LGI4: variants seen among roughly 807,000 people sequenced by gnomAD.
LGI4 encodes leucine rich repeat LGI family member 4.
Under a neutral mutation model 48.3 loss-of-function variants are expected in LGI4, and 36 were observed. That is an observed-to-expected ratio of 0.75 (90% CI 0.57 to 0.98). The LOEUF (loss-of-function observed/expected upper bound fraction) is 0.98, where lower values mean the gene tolerates loss of function less well. Ranked by LOEUF, LGI4 falls within the 50% of genes least tolerant of loss-of-function variation. The pLI, the probability that LGI4 is intolerant of heterozygous loss-of-function variation, is 0.00. For missense variants in LGI4, 701 were observed against 732.1 expected, an observed-to-expected ratio of 0.96 and a Z score of 0.49; for synonymous variants, 355 against 331.6, an observed-to-expected ratio of 1.07 and a Z score of -0.77.
chr19:35,133,948 C>T, intron 2 of LGI4, 85 bp downstream of exon 2: 1 of 1,410,322 alleles, frequency 7.1e-7, no homozygotes, highest in Non-Finnish European at 9.8e-7. Flanking sequence ...GCCCACCTGA[C>T]ATCTGTGTGA....
In LGI4 at chr19:35,125,462, G is replaced by A. The variant is rs1302618114; in HGVS notation, c.1345C>T (p.Pro449Ser). Residue 449 changes from proline (P) to serine (S), a missense_variant, in exon 9 of 9, where the codon CCC (proline) becomes TCC (serine). By Grantham distance (74) the Pro-to-Ser change is moderately conservative. This residue lies in a region of LGI4 where 223 missense variants were observed against 263.3 expected (regional missense o/e 0.85). Coordinates refer to ENST00000310123, the MANE Select transcript of LGI4 (RefSeq NM_139284.3). The stretch of plus-strand genomic sequence containing the variant: ...TGGAAGACGTGGGCACCGCGCGAGG[G>A]AAGTTGCTGCAGCAGACGAAACATG... ...GSMFRLLQQL[P>S]SRGAHVFQPL... is the part of the protein sequence containing the mutation. 1.9e-6 allele frequency: 3 copies of A among 1,593,494 alleles called. No individual in the cohort carries two copies. Among genetic ancestry groups the A allele is most frequent in the Admixed American group, 1.7e-5 (1 of 57,334 alleles).
intron 6 of LGI4, among the ~76,000 whole-genome samples, chr19:35,127,978 G>A (rs530434665): frequency 6.6e-6 from 1 of 152,340 alleles, no homozygotes; most frequent in Non-Finnish European, 1.5e-5. Context: ...AGATGTGGCT[G>A]TTTTGAGACT....
intron 6 of LGI4, chr19:35,131,181 C>T (rs1380858567): frequency 1.5e-6 from 1 of 685,628 alleles, no homozygotes; most frequent in African/African-American, 1.8e-5. Context: ...GAAGATGTAT[C>T]ATTGAATTCC....
chr19:35,125,179 T>G lies in LGI4; in HGVS notation c.*14A>C. On this transcript the variant is annotated 3_prime_UTR_variant, in exon 9 of 9. Coordinates refer to ENST00000310123, the MANE Select transcript of LGI4 (RefSeq NM_139284.3). The stretch of plus-strand genomic sequence containing the variant: ...CCAGGGGCCCCAGCCATGCCCAGAG[T>G]CCCGTTGGTGGTCTCAGGCACTGAG... 1 of 1,508,344 alleles carries G rather than the reference T, an allele frequency of 6.6e-7. No homozygotes were observed. The highest frequency in any genetic ancestry group is 8.9e-7 in the Non-Finnish European group (1 of 1,126,268). The allele number at this position is 1,508,344 out of a possible 1,614,324, so 93.4% of individuals were successfully genotyped here.
chr19:35,126,887 G>C lies in LGI4; in HGVS notation c.759C>G (p.Ser253Arg), dbSNP rs758571290. The change falls in exon 7 of 9, where the codon AGC becomes AGG. Residue 253 changes from serine (S) to arginine (R), a missense_variant. Ser to Arg is a moderately radical substitution (Grantham distance 110, BLOSUM62 -1). Transcript: ENST00000310123. Reference protein sequence around the residue: ...GRCLILSWDYSLQRFRPEEEL... With the variant: ...GRCLILSWDYRLQRFRPEEEL... ...CTTCCTCGGGCCGGAAGCGCTGCAG[G>C]CTGTAGTCCCAGGAGAGAATCAGGC... is the stretch of plus-strand genomic sequence containing the variant. The C allele has an allele frequency of 5.2e-5, 84 of 1,613,266 alleles. No homozygotes were observed. Among genetic ancestry groups the C allele is most frequent in the Non-Finnish European group, 7.0e-5 (83 of 1,179,894 alleles).
At position 35,134,792 on chromosome 19, in the gene LGI4, G is replaced by C. The variant is rs1018777926; in HGVS notation, c.-112C>G. 1.4e-4 allele frequency: 85 copies of C among 596,784 alleles called. No homozygotes were observed. Among genetic ancestry groups the C allele is most frequent in the Non-Finnish European group, 4.7e-5 (16 of 344,018 alleles). 37.0% of individuals were successfully genotyped at this position (596,784 alleles called of 1,614,324 possible). A position where few individuals can be genotyped will look rare whatever the true frequency, so the allele number is the denominator to read the frequency against. On this transcript the variant is annotated 5_prime_UTR_variant, in exon 1 of 9. Coordinates refer to ENST00000310123, the MANE Select transcript of LGI4 (RefSeq NM_139284.3). ...CCTCCATCCGCCTGCTGGCACGCTC[G>C]GCCCTGGCTTCTCTCTCCTCTTCTC... is the stretch of plus-strand genomic sequence containing the variant.
chr19:35,126,854 G>C lies in LGI4; in HGVS notation c.792C>G (p.Pro264=). The C allele has an allele frequency of 2.5e-6, 4 of 1,609,874 alleles. No homozygotes were observed. In the South Asian group the frequency reaches 4.4e-5, roughly 18 times the overall value. The change falls in exon 7 of 9, where the codon CCC becomes CCG. Residue 264 remains proline, a splice_region_variant and synonymous_variant. Coordinates refer to ENST00000310123, the MANE Select transcript of LGI4 (RefSeq NM_139284.3). ...CAGAAGGACGGGGAGGGGGCTCACC[G>C]GGCAGCTCTTCCTCGGGCCGGAAGC... ...LQRFRPEEEL[P]AASVVSCKPL...
chr19:35,125,120 C>T lies in LGI4; in HGVS notation c.*73G>A. On this transcript the variant is annotated 3_prime_UTR_variant, in exon 9 of 9. Coordinates refer to ENST00000310123, the MANE Select transcript of LGI4 (RefSeq NM_139284.3). ...CAGCAGCTCACAGGCGGGCCATCAC[C>T]CCAAGTAGGGCCAGGAGCCAGCCAA... 5 of 1,361,988 alleles carry T rather than the reference C, an allele frequency of 3.7e-6. No individual in the cohort carries two copies. The South Asian group carries it at 4.6e-5, about 13-fold the overall frequency. 84.4% of individuals were successfully genotyped at this position (1,361,988 alleles called of 1,614,324 possible).
chr19:35,134,175 G>GC (rs2065193924), intron 1 of LGI4, 71 bp from the exon 2 acceptor site: 1 of 1,400,558 alleles, frequency 7.1e-7, no homozygotes, highest in African/African-American at 1.4e-5. Context: ...AGAACCTTCT[G>GC]CCATCCGGGA....
chr19:35,133,959 G>C, intron 2 of LGI4, 74 bp downstream of exon 2: 2 of 1,450,620 alleles, frequency 1.4e-6, no homozygotes, highest in Non-Finnish European at 1.9e-6. Context: ...ATCTGTGTGA[G>C]CATACACTCC....
At chr19:35,133,503 T>G (rs1004174282) in intron 3 of LGI4, 190 bp downstream of exon 3, 17 of 1,427,406 alleles carry the variant, frequency 1.2e-5, no homozygotes, top group Non-Finnish European at 1.4e-5. Context: ...ACACCAGCCC[T>G]GAGAACTTCA....
intron 8 of LGI4, chr19:35,126,069 T>C (rs2065132799): frequency 3.2e-6 from 2 of 619,598 alleles, no homozygotes; most frequent in South Asian, 2.0e-5. Context: ...AATCAGGATG[T>C]TGGGGCCAGC....
At chr19:35,133,600 G>A in intron 3 of LGI4, 93 bp downstream of exon 3, 1 of 1,503,244 alleles carries the variant, frequency 6.7e-7, no homozygotes, top group South Asian at 1.2e-5. Flanking sequence ...CTGCTCCTCA[G>A]GGCCACAGCT....
intron 5 of LGI4, 43 bp from the exon 6 acceptor site, chr19:35,131,598 G>A (rs768127785): frequency 2.4e-5 from 37 of 1,533,802 alleles, no homozygotes; most frequent in African/African-American, 1.9e-4. Flanking sequence ...CGGCTTCCAC[G>A]CCCTGGGGGC....
In LGI4 at chr19:35,125,132, C is replaced by T. The variant is rs2145355695; in HGVS notation, c.*61G>A. On this transcript the variant is annotated 3_prime_UTR_variant, in exon 9 of 9. Coordinates refer to ENST00000310123, the MANE Select transcript of LGI4 (RefSeq NM_139284.3). ...GGCGGGCCATCACCCCAAGTAGGGC[C>T]AGGAGCCAGCCAAGGGGCCGTCCAG... 7.0e-7 allele frequency: 1 copy of T among 1,434,924 alleles called. No homozygotes were observed. The highest frequency in any genetic ancestry group is 1.4e-5 in the South Asian group (1 of 69,246). 88.9% of individuals were successfully genotyped at this position (1,434,924 alleles called of 1,614,324 possible). A position where few individuals can be genotyped will look rare whatever the true frequency, so the allele number is the denominator to read the frequency against.
Position 35,134,077 on chromosome 19 carries a change from C to G in LGI4, c.198G>C (p.Gln66His). ...SLSLVRTGVT[Q>H]LKAGSFLRIP... ...TTCTCAGGAAGCTGCCGGCCTTCAG[C>G]TGGGTGACTCCCGTCCTGACGAGTG... The change falls in exon 2 of 9, where the codon CAG (glutamine) becomes CAC (histidine). Residue 66 changes from glutamine to histidine, a missense_variant. Coordinates refer to ENST00000310123, the MANE Select transcript of LGI4 (RefSeq NM_139284.3). 1 of 1,566,620 alleles carries G rather than the reference C, an allele frequency of 6.4e-7. No individual in the cohort carries two copies. The highest frequency in any genetic ancestry group is 8.7e-7 in the Non-Finnish European group (1 of 1,155,044).
chr19:35,129,236 C>A (rs1244252950), intron 6 of LGI4, among the ~76,000 whole-genome samples: 3 of 152,112 alleles, frequency 2.0e-5, no homozygotes, highest in African/African-American at 7.2e-5. Flanking sequence ...AAATCCCCTT[C>A]TTCTATGTGT....
chr19:35,130,998 T>C, intron 6 of LGI4: 1 of 556,978 alleles, frequency 1.8e-6, no homozygotes, highest in Non-Finnish European at 3.2e-6. Context: ...GGCAACAAAA[T>C]CTATTTATAG....
At chr19:35,128,023 T>A (rs1441275771) in intron 6 of LGI4, among the ~76,000 whole-genome samples, 1 of 152,114 alleles carries the variant, frequency 6.6e-6, no homozygotes, top group Non-Finnish European at 1.5e-5. Context: ...ATGTGATGAG[T>A]GTAATGAGCC....
Sources: allele counts gnomAD v4.1 joint callset (sites outside exome capture counted in the v4.1 genomes callset), GRCh38; gene constraint gnomAD v4.1.1; regional missense constraint gnomAD v4.1.1; transcripts MANE v1.5; gene names NCBI Gene and HGNC (gene_info 2026-07-23, HGNC 2026-07-21).